The following FHIT variants were observed in gnomAD, a reference collection of about 807,000 sequenced individuals.
The protein encoded by FHIT is bis(5'-adenosyl)-triphosphatase.
FHIT carries 19 observed loss-of-function variants against 17.9 expected under a neutral mutation model. The ratio of observed to expected loss-of-function variants is 1.06; its 90% confidence interval spans 0.74 to 1.56. The LOEUF (loss-of-function observed/expected upper bound fraction) is 1.56, where lower values mean the gene tolerates loss of function less well. Among genes scored for constraint, FHIT ranks in the 40% most tolerant of loss-of-function variants. The pLI is 0.00. For missense variants in FHIT, 248 were observed against 189.2 expected (o/e 1.31, Z -1.82); for synonymous variants, 81 against 69.7 (o/e 1.16, Z -0.81).
At chr3:60,603,322 G>A (rs145938050) in intron 4 of FHIT, among the ~76,000 whole-genome samples, 2 of 152,128 alleles carry the variant, frequency 1.3e-5, no homozygotes, top group African/African-American at 4.8e-5. Flanking sequence ...TTTTTCTTCT[G>A]TTAAATTCAG....
chr3:60,799,358 G>A lies in FHIT; in HGVS notation c.-18+22561C>T, dbSNP rs1440913735. Reference sequence around the variant, plus strand: ...CCCAGCTAATTTTGTATTTTTAGTAGAGACAGGGTTTCTCCATGTTGGTCA... The same window carrying A: ...CCCAGCTAATTTTGTATTTTTAGTAAAGACAGGGTTTCTCCATGTTGGTCA... On this transcript the variant is annotated intron_variant, in intron 4 of 9. Coordinates refer to ENST00000492590, the MANE Select transcript of FHIT (RefSeq NM_002012.4). 4.6e-4 allele frequency among the ~76,000 whole-genome samples: 70 copies of A among 152,160 alleles called. 3 individuals are homozygous for A. The highest frequency in any genetic ancestry group is 4.4e-5 in the Non-Finnish European group (3 of 68,032).
intron 4 of FHIT, among the ~76,000 whole-genome samples, chr3:60,689,229 C>G (rs757774968): frequency 6.6e-6 from 1 of 152,218 alleles, no homozygotes; most frequent in Admixed American, 6.5e-5. Context: ...TCCCCAGCCA[C>G]GTGGAACTGC....
intron 2 of FHIT, among the ~76,000 whole-genome samples, chr3:61,186,875 T>C (rs1361691753): frequency 6.6e-6 from 1 of 152,238 alleles, no homozygotes; most frequent in Non-Finnish European, 1.5e-5. Flanking sequence ...CCTGTCCTTC[T>C]TTTCAGATCT....
Position 59,747,378 on chromosome 3 carries a change from CA to C in FHIT, c.*2206del, listed in dbSNP as rs1700666243. Among the ~76,000 whole-genome samples the C allele has an allele frequency of 6.6e-6, 1 of 152,044 alleles. No individual in the cohort carries two copies. Among genetic ancestry groups the C allele is most frequent in the South Asian group, 2.1e-4 (1 of 4,824 alleles). ...ATGGCAGCAGGCAAGACAGCGTATTCAGGGGAAATGTCCTTTATAAAACCAT... is the reference window on the plus strand; with the variant it reads ...ATGGCAGCAGGCAAGACAGCGTATTCGGGGAAATGTCCTTTATAAAACCAT... On this transcript the variant is annotated 3_prime_UTR_variant, in exon 10 of 10. Transcript: ENST00000492590.
chr3:60,386,189 T>C (rs956391660), intron 5 of FHIT, among the ~76,000 whole-genome samples: 39 of 152,214 alleles, frequency 2.6e-4, no homozygotes, highest in African/African-American at 9.4e-4. Flanking sequence ...CTCTTCTGCC[T>C]CTGGAAGACT....
chr3:60,014,036 G>T lies in FHIT; in HGVS notation c.220C>A (p.His74Asn), dbSNP rs1700242562. 1 of 1,614,042 alleles carries T rather than the reference G, an allele frequency of 6.2e-7. No individual in the cohort carries two copies. Among genetic ancestry groups the T allele is most frequent in the African/African-American group, 1.3e-5 (1 of 75,016 alleles). ...RVGTVVEKHFHGTSLTFSMQD... is the reference protein window; with the variant it reads ...RVGTVVEKHFNGTSLTFSMQD... ...ATGGAAAAGGTGAGAGAGGTCCCAT[G>T]GAAATGTTTTTCCACCACTGTCCCG... The change falls in exon 6 of 10, where the codon CAT becomes AAT. Residue 74 changes from histidine (H) to asparagine (N), a missense_variant. Physicochemically the swap from His to Asn is moderately conservative, Grantham distance 68. Transcript: ENST00000492590.
chr3:60,839,165 G>A (rs1340031342), intron 3 of FHIT, among the ~76,000 whole-genome samples: 4 of 152,140 alleles, frequency 2.6e-5, no homozygotes, highest in Non-Finnish European at 5.9e-5. Context: ...CTACCGAACA[G>A]ACGAAAATGG....
chr3:60,979,907 A>G (rs750846775), intron 3 of FHIT, among the ~76,000 whole-genome samples: 11 of 152,238 alleles, frequency 7.2e-5, no homozygotes, highest in Non-Finnish European at 1.2e-4. Flanking sequence ...ATTGAGCCAC[A>G]TGATATTGCC....
chr3:61,251,031 G>A (rs1451771938), intron 1 of FHIT, among the ~76,000 whole-genome samples: 2 of 152,200 alleles, frequency 1.3e-5, no homozygotes, highest in Non-Finnish European at 2.9e-5. Flanking sequence ...CCCCGGACCC[G>A]CTGGCGTGGC....
chr3:60,360,353 G>C (rs1203050078), intron 5 of FHIT, among the ~76,000 whole-genome samples: 1 of 151,918 alleles, frequency 6.6e-6, no homozygotes, highest in East Asian at 1.9e-4. Flanking sequence ...CAAGGAAAAA[G>C]GAAAATAATG....
At chr3:59,845,549 TTG>T (rs1317851683) in intron 8 of FHIT, among the ~76,000 whole-genome samples, 5 of 152,134 alleles carry the variant, frequency 3.3e-5, no homozygotes, top group East Asian at 1.9e-4. Context: ...TTGCTTAAGA[TTG>T]TGTTATTCAA....
chr3:61,183,248 A>G (rs1033365870), intron 2 of FHIT, among the ~76,000 whole-genome samples: 6 of 152,192 alleles, frequency 3.9e-5, no homozygotes, highest in African/African-American at 1.4e-4. Context: ...CTTAATACCT[A>G]GCTCTCAGCA....
chr3:61,097,602 G>A (rs753925541), intron 2 of FHIT, among the ~76,000 whole-genome samples: 1 of 151,962 alleles, frequency 6.6e-6, no homozygotes, highest in Non-Finnish European at 1.5e-5. Flanking sequence ...TCCACACCCT[G>A]ACCAGCATCT....
chr3:60,823,307 C>T (rs1264109384), intron 3 of FHIT, among the ~76,000 whole-genome samples: 3 of 152,150 alleles, frequency 2.0e-5, no homozygotes, highest in Non-Finnish European at 2.9e-5. Flanking sequence ...CCCCCAACCC[C>T]TCCCCATCAG....
chr3:61,092,119 G>A (rs1318022017), intron 2 of FHIT, among the ~76,000 whole-genome samples: 1 of 150,462 alleles, frequency 6.6e-6, no homozygotes, highest in East Asian at 2.0e-4. Context: ...GGTGGGGGTA[G>A]GGGGGTGGGG....
intron 3 of FHIT, among the ~76,000 whole-genome samples, chr3:60,899,646 C>T (rs1390695505): frequency 2.6e-5 from 4 of 152,166 alleles, no homozygotes; most frequent in African/African-American, 9.7e-5. Context: ...AGAGACTCTT[C>T]ACCTCACAAG....
chr3:59,939,284 G>A (rs1357466642), intron 7 of FHIT, among the ~76,000 whole-genome samples: 2 of 152,098 alleles, frequency 1.3e-5, no homozygotes, highest in Non-Finnish European at 2.9e-5. Flanking sequence ...CCTAACTTCA[G>A]TCTCCGTGGC....
At chr3:61,114,834 G>C (rs1161968444) in intron 2 of FHIT, among the ~76,000 whole-genome samples, 1 of 152,146 alleles carries the variant, frequency 6.6e-6, no homozygotes, top group Non-Finnish European at 1.5e-5. Flanking sequence ...GGAAGTGAAG[G>C]TTTGAGACCA....
chr3:60,344,458 T>C (rs115635772), intron 5 of FHIT, among the ~76,000 whole-genome samples: 10 of 152,200 alleles, frequency 6.6e-5, no homozygotes, highest in Non-Finnish European at 8.8e-5. Flanking sequence ...TGGAAACAGA[T>C]TGAGAAAAGT....
Sources: gnomAD v4.1 joint callset for allele counts (sites outside exome capture counted in the v4.1 genomes callset) on GRCh38, gnomAD v4.1.1 for gene constraint, MANE v1.5 for transcripts, NCBI Gene and HGNC (gene_info 2026-07-23, HGNC 2026-07-21) for gene names.